MATN2: variants seen among roughly 807,000 people sequenced by gnomAD.
MATN2 encodes matrilin-2.
A neutral mutation model predicts 103.2 loss-of-function variants in MATN2; 69 were observed. That is an observed-to-expected ratio of 0.67 (90% CI 0.55 to 0.82). MATN2 has a LOEUF of 0.82. Ranked by LOEUF, MATN2 falls within the 40% of genes least tolerant of loss-of-function variation. The probability of loss-of-function intolerance (pLI) is 0.00; values close to 1 mark genes in which losing one functional copy is unlikely to be tolerated. For missense variants in MATN2, 1,023 were observed against 1,211.5 expected (o/e 0.84, Z 2.31); for synonymous variants, 429 against 450.2 (o/e 0.95, Z 0.60).
rs563668327 is a variant in MATN2, at chr8:97,954,771, T to C, written c.836-6637T>C. On this transcript the variant is annotated intron_variant, in intron 4 of 18. Transcript: ENST00000254898. ...AGCCACATGGCAGATGCTAGATATT[T>C]GAACTAGCATGCTGAGCAAGACAAG... is the stretch of plus-strand genomic sequence containing the variant. Among the ~76,000 whole-genome samples the C allele has an allele frequency of 3.3e-5, 5 of 152,394 alleles. No homozygotes were observed. In the South Asian group the frequency reaches 1.0e-3, roughly 32 times the overall value.
intron 3 of MATN2, among the ~76,000 whole-genome samples, chr8:97,936,930 A>G (rs1329767461): frequency 6.6e-6 from 1 of 152,214 alleles, no homozygotes; most frequent in Non-Finnish European, 1.5e-5. Context: ...TGAAAGTGTC[A>G]GGAATTCCAT....
intron 5 of MATN2, among the ~76,000 whole-genome samples, chr8:97,973,944 T>TA (rs1384706192): frequency 6.6e-6 from 1 of 152,228 alleles, no homozygotes; most frequent in Non-Finnish European, 1.5e-5. Context: ...AAGACATCTG[T>TA]AAAGCAGTCT....
chr8:97,950,296 G>T (rs768875189), intron 4 of MATN2, among the ~76,000 whole-genome samples: 6 of 152,170 alleles, frequency 3.9e-5, no homozygotes, highest in Non-Finnish European at 7.3e-5. Context: ...TGTAAGCAGG[G>T]ATAAAGTATG....
At chr8:97,968,377 G>A (rs189969806) in intron 5 of MATN2, among the ~76,000 whole-genome samples, 11 of 152,290 alleles carry the variant, frequency 7.2e-5, no homozygotes, top group Admixed American at 3.9e-4. Flanking sequence ...TTGTATTCCT[G>A]TCCTGAAAAT....
chr8:98,001,733 CT>C (rs1812793037), intron 7 of MATN2, among the ~76,000 whole-genome samples: 1 of 151,728 alleles, frequency 6.6e-6, no homozygotes, highest in South Asian at 2.1e-4. Context: ...CCACCTTGGC[CT>C]TCCAAAGTGC....
In MATN2 at chr8:97,878,071, GA is replaced by G. The variant is rs1186199433; in HGVS notation, c.-27+8793del. Among the ~76,000 whole-genome samples the G allele has an allele frequency of 8.6e-5, 13 of 150,846 alleles. No individual in the cohort carries two copies. In the East Asian group the frequency reaches 1.4e-3, roughly 16 times the overall value. ...AGGCATTTGAAAACATTGTTTTATGGAAAAAAAAAGTTATGGAACATTTATA... is the reference window on the plus strand; with the variant it reads ...AGGCATTTGAAAACATTGTTTTATGGAAAAAAAAGTTATGGAACATTTATA... On this transcript the variant is annotated intron_variant, in intron 1 of 18. Transcript: ENST00000254898.
rs2290471 is a variant in MATN2, at chr8:97,931,317, A to G, written c.507A>G (p.Thr169=). The change falls in exon 3 of 19, where the codon ACA becomes ACG. Residue 169 remains threonine (T), a synonymous_variant. Coordinates refer to ENST00000254898, the MANE Select transcript of MATN2 (RefSeq NM_002380.5). This position sits in a 1 kb window ranked among gnomAD's most constrained non-coding sequence, Gnocchi z 4.1. The part of the protein sequence containing the change: ...ENVPRVIMIV[T]DGRPQDSVAE... ...TGCCACGGGTCATAATGATCGTGAC[A>G]GATGGGAGACCTCAGGACTCCGTGG... The G allele has an allele frequency of 0.28, 454,676 of 1,613,508 alleles. 67,087 individuals are homozygous for G. Among genetic ancestry groups the G allele is most frequent in the African/African-American group, 0.45 (34,004 of 74,936 alleles).
chr8:97,945,713 A>T (rs1443804843), intron 4 of MATN2, among the ~76,000 whole-genome samples: 2,021 of 69,414 alleles, frequency 0.029, 20 homozygotes, highest in Non-Finnish European at 0.041. Flanking sequence ...TAGAAAAAAA[A>T]AAAAATATAT....
rs7831921 is a variant in MATN2, at chr8:98,006,260, G to T, written c.1328-845G>T. Among the ~76,000 whole-genome samples, 828 of 152,310 alleles carry T rather than the reference G, an allele frequency of 5.4e-3. 2 individuals are homozygous for T. Among genetic ancestry groups the T allele is most frequent in the African/African-American group, 0.018 (769 of 41,578 alleles). ...AATGGGGGTAAAAAAAATAGAAATT[G>T]ATTTCATGGAGAATGACAACTCTTT... On this transcript the variant is annotated intron_variant, in intron 8 of 18. Transcript: ENST00000254898.
At chr8:97,952,883 G>A (rs893667547) in intron 4 of MATN2, among the ~76,000 whole-genome samples, 2 of 146,862 alleles carry the variant, frequency 1.4e-5, no homozygotes, top group Non-Finnish European at 3.0e-5. Context: ...ATAAATTTTA[G>A]AACGTTAGGA....
At chr8:97,918,255 C>G (rs1809698754) in intron 2 of MATN2, among the ~76,000 whole-genome samples, 1 of 152,196 alleles carries the variant, frequency 6.6e-6, no homozygotes. Flanking sequence ...ACAGTCGCCT[C>G]TATACTTGTC....
At chr8:97,963,793 C>G (rs16896471) in intron 5 of MATN2, among the ~76,000 whole-genome samples, 13,741 of 152,188 alleles carry the variant, frequency 0.09, 896 homozygotes, top group Admixed American at 0.2. Flanking sequence ...ACCTTTTCCC[C>G]AATGCCCTTT....
intron 14 of MATN2, among the ~76,000 whole-genome samples, chr8:98,028,453 C>T (rs1319261188): frequency 1.3e-5 from 2 of 152,044 alleles, no homozygotes; most frequent in African/African-American, 2.4e-5. Flanking sequence ...AGATGTGAAG[C>T]GTGCTCGAGG....
intron 5 of MATN2, among the ~76,000 whole-genome samples, chr8:97,972,338 CAAAA>C (rs3076713): frequency 1.8e-4 from 23 of 126,852 alleles, no homozygotes; most frequent in Non-Finnish European, 2.9e-4. Context: ...GACCCTGTCT[CAAAA>C]AAAAAAAAAA....
At position 98,003,234 on chromosome 8, in the gene MATN2, G is replaced by A. The variant is rs550194189; in HGVS notation, c.1205-427G>A. On this transcript the variant is annotated intron_variant, in intron 7 of 18. Coordinates refer to ENST00000254898, the MANE Select transcript of MATN2 (RefSeq NM_002380.5). ...TGTCTCCTCACCCTCAGGTGTTTGC[G>A]TTTGCTGTCCTCGAGTCCTCATGTT... Among the ~76,000 whole-genome samples the A allele has an allele frequency of 3.1e-4, 47 of 152,136 alleles. No individual in the cohort carries two copies. The South Asian group carries it at 9.5e-3, about 31-fold the overall frequency.
At chr8:97,930,774 A>C (rs1476477038) in intron 2 of MATN2, among the ~76,000 whole-genome samples, 179 bp from the exon 3 acceptor site, 1 of 152,010 alleles carries the variant, frequency 6.6e-6, no homozygotes, top group African/African-American at 2.4e-5. Flanking sequence ...AGGTGCCGCC[A>C]CCACACCCGG....
chr8:98,017,953 T>C, intron 11 of MATN2, 41 bp from the exon 12 acceptor site: 1 of 1,607,206 alleles, frequency 6.2e-7, no homozygotes, highest in Non-Finnish European at 8.5e-7. Context: ...ATGTGAAATG[T>C]ATGTTGTTGA....
chr8:97,996,736 T>C (rs1167823300), intron 7 of MATN2, among the ~76,000 whole-genome samples: 1 of 152,106 alleles, frequency 6.6e-6, no homozygotes. Context: ...GCTCACTGTC[T>C]CTCTGGAGCA....
At chr8:98,017,954 A>G (rs1396262266) in intron 11 of MATN2, 40 bp from the exon 12 acceptor site, 7 of 1,607,402 alleles carry the variant, frequency 4.4e-6, no homozygotes, top group Non-Finnish European at 5.9e-6. Flanking sequence ...TGTGAAATGT[A>G]TGTTGTTGAA....
Sources: allele counts gnomAD v4.1 joint callset (sites outside exome capture counted in the v4.1 genomes callset), GRCh38; gene constraint gnomAD v4.1.1; non-coding constraint Gnocchi (gnomAD v3.1); transcripts MANE v1.5; gene names NCBI Gene and HGNC (gene_info 2026-07-23, HGNC 2026-07-21).